The following COMMD10 variants were observed in gnomAD, a reference collection of about 807,000 sequenced individuals.
COMMD10 encodes COMM domain containing 10.
In COMMD10, 33 loss-of-function variants were observed where a neutral mutation model predicts 28.9. The ratio of observed to expected loss-of-function variants is 1.14; its 90% CI spans 0.87 to 1.53. COMMD10 has a LOEUF of 1.53. COMMD10 is among the 40% of genes most tolerant of loss of function. The probability of loss-of-function intolerance (pLI) is 0.00; values close to 1 mark genes in which losing one functional copy is unlikely to be tolerated. For synonymous variants in COMMD10, 110 were observed against 81.7 expected, an observed-to-expected ratio of 1.35 and a Z score of -1.87; for missense variants, 310 against 233.4, an observed-to-expected ratio of 1.33 and a Z score of -2.14.
intron 5 of COMMD10, among the ~76,000 whole-genome samples, chr5:116,229,400 CCTT>C (rs1408271227): frequency 6.6e-6 from 1 of 152,002 alleles, no homozygotes; most frequent in African/African-American, 2.4e-5. Flanking sequence ...ATCGAATTTA[CCTT>C]CTTCTGGCAA....
At chr5:116,114,107 G>T (rs186845486) in intron 4 of COMMD10, among the ~76,000 whole-genome samples, 2 of 152,112 alleles carry the variant, frequency 1.3e-5, no homozygotes, top group Admixed American at 1.3e-4. Flanking sequence ...GATGGAGGAT[G>T]TGGTGAAATT....
chr5:116,160,985 C>A (rs1168953017), intron 5 of COMMD10, among the ~76,000 whole-genome samples: 2 of 151,970 alleles, frequency 1.3e-5, no homozygotes, highest in East Asian at 3.9e-4. Context: ...ATGTTAATAT[C>A]ATTTTTAAAA....
At chr5:116,118,676 C>T (rs1751323349) in intron 4 of COMMD10, among the ~76,000 whole-genome samples, 1 of 151,144 alleles carries the variant, frequency 6.6e-6, no homozygotes, top group African/African-American at 2.4e-5. Context: ...AGATTCTAGT[C>T]ATTTAAAAAA....
intron 5 of COMMD10, among the ~76,000 whole-genome samples, chr5:116,289,713 G>A (rs1208735140): frequency 2.0e-5 from 3 of 151,890 alleles, no homozygotes; most frequent in Non-Finnish European, 2.9e-5. Flanking sequence ...TTCCACATGG[G>A]AGAGAGGCAT....
chr5:116,115,678 C>T (rs1329380116), intron 4 of COMMD10, among the ~76,000 whole-genome samples: 1 of 151,988 alleles, frequency 6.6e-6, no homozygotes, highest in Non-Finnish European at 1.5e-5. Context: ...TAATTTTATT[C>T]CTGAAATTCT....
intron 5 of COMMD10, among the ~76,000 whole-genome samples, chr5:116,168,181 G>A (rs556589520): frequency 1.4e-5 from 2 of 147,284 alleles, no homozygotes; most frequent in Non-Finnish European, 3.0e-5. Context: ...AAAAGGGATT[G>A]CAGTCCTAGT....
intron 4 of COMMD10, among the ~76,000 whole-genome samples, chr5:116,126,391 C>G (rs1751639305): frequency 6.7e-6 from 1 of 148,508 alleles, no homozygotes; most frequent in South Asian, 2.1e-4. Context: ...ATCAAACTAC[C>G]AATGACTTTC....
intron 5 of COMMD10, among the ~76,000 whole-genome samples, chr5:116,202,182 C>T (rs1278706987): frequency 1.3e-5 from 2 of 151,892 alleles, no homozygotes; most frequent in African/African-American, 2.4e-5. Flanking sequence ...TGATGATTTC[C>T]AATTTCATCC....
chr5:116,237,916 T>G (rs1457274327), intron 5 of COMMD10, among the ~76,000 whole-genome samples: 1 of 152,112 alleles, frequency 6.6e-6, no homozygotes, highest in Non-Finnish European at 1.5e-5. Flanking sequence ...AGCTAAAGGG[T>G]CAGAATGTCG....
At chr5:116,134,811 T>TG (rs1561622694) in intron 5 of COMMD10, among the ~76,000 whole-genome samples, 1 of 151,978 alleles carries the variant, frequency 6.6e-6, no homozygotes, top group African/African-American at 2.4e-5. Context: ...TTAGTAGAGA[T>TG]GGGGTTTCAC....
chr5:116,093,258 T>G (rs1750357090), intron 4 of COMMD10, among the ~76,000 whole-genome samples: 1 of 152,184 alleles, frequency 6.6e-6, no homozygotes, highest in Non-Finnish European at 1.5e-5. Flanking sequence ...CACAGGACAC[T>G]TCTCCACAAA....
chr5:116,134,017 G>C, intron 4 of COMMD10, 51 bp from the exon 5 acceptor site: 2 of 1,065,678 alleles, frequency 1.9e-6, no homozygotes, highest in Non-Finnish European at 2.9e-6. Context: ...AAAGTTGACT[G>C]TTTTCTTCCT....
chr5:116,260,150 G>A (rs960594105), intron 5 of COMMD10, among the ~76,000 whole-genome samples: 1 of 151,710 alleles, frequency 6.6e-6, no homozygotes, highest in Non-Finnish European at 1.5e-5. Flanking sequence ...AAAGTAAAAT[G>A]GAAAAATACA....
At chr5:116,127,963 T>C (rs1360714673) in intron 4 of COMMD10, among the ~76,000 whole-genome samples, 1 of 151,964 alleles carries the variant, frequency 6.6e-6, no homozygotes, top group East Asian at 1.9e-4. Flanking sequence ...CATAACAGAT[T>C]ATCAGAGAAG....
chr5:116,253,195 G>T (rs1750172075), intron 5 of COMMD10, among the ~76,000 whole-genome samples: 2 of 116,008 alleles, frequency 1.7e-5, no homozygotes, highest in Admixed American at 9.1e-5. Context: ...GGAGATTTTG[G>T]GCTGAGACAA....
chr5:116,187,051 G>A lies in COMMD10; in HGVS notation c.510+52873G>A, dbSNP rs1406825450. ...CACATTATTTATTGAGTACTACTCA[G>A]TGTATATCCTAAAGTAAAAAATAAT... On this transcript the variant is annotated intron_variant, in intron 5 of 6. Transcript: ENST00000274458. Among the ~76,000 whole-genome samples, 6 of 152,212 alleles carry A rather than the reference G, an allele frequency of 3.9e-5. No homozygotes were observed. In the East Asian group the frequency reaches 7.7e-4, roughly 20 times the overall value.
chr5:116,240,072 A>G (rs1482522040), intron 5 of COMMD10, among the ~76,000 whole-genome samples: 2 of 152,184 alleles, frequency 1.3e-5, no homozygotes, highest in African/African-American at 4.8e-5. Flanking sequence ...GCACAAGGAC[A>G]GACAGGCAGA....
Position 116,085,066 on chromosome 5 carries a change from C to A in COMMD10, c.14C>A (p.Ala5Glu). 1 of 1,609,634 alleles carries A rather than the reference C, an allele frequency of 6.2e-7. No individual in the cohort carries two copies. The highest frequency in any genetic ancestry group is 8.5e-7 in the Non-Finnish European group (1 of 1,178,930). ...AGAAAGCCGAAGATGGCGGTCCCCG[C>A]GGCGCTGATCCTACGGGAGAGCCCC... is the stretch of plus-strand genomic sequence containing the variant. MAVP[A>E]ALILRESPSM... Residue 5 changes from alanine (A) to glutamate (E), a missense_variant, in exon 1 of 7, where the codon GCG becomes GAG. Ala to Glu is a moderately radical substitution (Grantham distance 107, BLOSUM62 -1). Transcript: ENST00000274458.
rs555489899 is a variant in COMMD10, at chr5:116,190,320, A to G, written c.510+56142A>G. ...TGAAAGTTAAATATGCAGCTAAAAT[A>G]TATGATTAATTAATGAATGTACAGA... On this transcript the variant is annotated intron_variant, in intron 5 of 6. Transcript: ENST00000274458. 7.2e-5 allele frequency among the ~76,000 whole-genome samples: 11 copies of G among 152,316 alleles called. No individual in the cohort carries two copies. The South Asian group carries it at 1.9e-3, about 26-fold the overall frequency.
Sources: allele counts gnomAD v4.1 joint callset (sites outside exome capture counted in the v4.1 genomes callset), GRCh38; gene constraint gnomAD v4.1.1; transcripts MANE v1.5; gene names NCBI Gene and HGNC (gene_info 2026-07-23, HGNC 2026-07-21).